The following ZBBX variants were observed in gnomAD, a reference collection of about 807,000 sequenced individuals.
The protein encoded by ZBBX is zinc finger B-box domain containing.
A neutral mutation model predicts 108.5 loss-of-function variants in ZBBX; 101 were observed. The observed-to-expected ratio is 0.93, with a 90% CI of 0.79 to 1.10. The LOEUF is 1.10. ZBBX is among the 50% of genes least tolerant of loss of function. The pLI is 0.00. For synonymous variants in ZBBX, 356 were observed against 323.4 expected (o/e 1.10, Z -1.08); for missense variants, 1,009 against 941.4 (o/e 1.07, Z -0.94).
At chr3:167,259,089 A>G (rs772246950) in intron 20 of ZBBX, among the ~76,000 whole-genome samples, 3 of 142,900 alleles carry the variant, frequency 2.1e-5, no homozygotes, top group Non-Finnish European at 4.6e-5. Context: ...TCTGCTGTGA[A>G]TCCGTCTGGT....
chr3:167,382,454 T>A (rs1747785637), upstream of ZBBX, among the ~76,000 whole-genome samples: 1 of 151,998 alleles, frequency 6.6e-6, no homozygotes, highest in Admixed American at 6.6e-5. Flanking sequence ...TTCCTGAGGG[T>A]TTTTCCAAAC....
intron 20 of ZBBX, among the ~76,000 whole-genome samples, chr3:167,273,573 G>A (rs1228053491): frequency 3.3e-5 from 5 of 152,174 alleles, no homozygotes; most frequent in South Asian, 2.1e-4. Flanking sequence ...TTAGCAGGAC[G>A]CAGTGAGCTT....
the ZBBX span, among the ~76,000 whole-genome samples, chr3:167,191,388 C>T: frequency 6.6e-6 from 1 of 152,174 alleles, no homozygotes; most frequent in Non-Finnish European, 1.5e-5. Context: ...TACGGTTTGG[C>T]TGTGTCCCCA....
At chr3:167,372,638 T>A (rs1377590279) in intron 4 of ZBBX, among the ~76,000 whole-genome samples, 196 bp downstream of exon 4, 1 of 152,212 alleles carries the variant, frequency 6.6e-6, no homozygotes, top group African/African-American at 2.4e-5. Context: ...CTTGTCACAT[T>A]GGTTCTTGTG....
the ZBBX span, among the ~76,000 whole-genome samples, chr3:167,200,856 T>C: frequency 6.6e-6 from 1 of 152,074 alleles, no homozygotes; most frequent in Non-Finnish European, 1.5e-5. Context: ...CTAATTGACA[T>C]CCCACCCATT....
In ZBBX at chr3:167,240,812, G is replaced by C. The variant is rs200797025; in HGVS notation, c.2501C>G (p.Pro834Arg). ...FLNKQHVITL[P>R]WSKST ...TAATCTTTAAGTACTCTTTGACCAC[G>C]GTAGTGTGATGACATGTTGCTTGTT... Residue 834 changes from proline (P) to arginine (R), a missense_variant, in exon 22 of 22, where the codon CCG becomes CGG. Pro to Arg is a moderately radical substitution (Grantham distance 103). Coordinates refer to ENST00000675490, the MANE Select transcript of ZBBX (RefSeq NM_001199201.2). The C allele has an allele frequency of 1.9e-6, 3 of 1,613,248 alleles. No individual in the cohort carries two copies. The East Asian group carries it at 6.7e-5, about 36-fold the overall frequency.
Position 167,242,526 on chromosome 3 carries a change from GGACCCC to G in ZBBX, c.2366_2371del (p.Arg789_Pro791delinsThr), listed in dbSNP as rs1176349680. 6.2e-7 allele frequency: 1 copy of G among 1,610,192 alleles called. No individual in the cohort carries two copies. Among genetic ancestry groups the G allele is most frequent in the East Asian group, 2.2e-5 (1 of 44,706 alleles). ...TTACCTCAATTCCTCAACTCCACAGGGACCCCTCACATGTGAGGTCTTAAGGAAATC... is the reference window on the plus strand; with the variant it reads ...TTACCTCAATTCCTCAACTCCACAGGTCACATGTGAGGTCTTAAGGAAATC... On this transcript the variant is annotated inframe_deletion, in exon 21 of 22. Coordinates refer to ENST00000675490, the MANE Select transcript of ZBBX (RefSeq NM_001199201.2).
At chr3:167,389,378 C>A (rs878897716) in intron 1 of ZBBX, among the ~76,000 whole-genome samples, 1 of 152,034 alleles carries the variant, frequency 6.6e-6, no homozygotes, top group South Asian at 2.1e-4. Flanking sequence ...CAGTCTATCA[C>A]TGATGGGCAT....
intron 12 of ZBBX, among the ~76,000 whole-genome samples, chr3:167,320,109 T>G (rs182273933): frequency 2.0e-5 from 3 of 151,396 alleles, no homozygotes; most frequent in African/African-American, 7.3e-5. Flanking sequence ...ACACCTAGAG[T>G]CCAGATCTTT....
At chr3:167,226,105 A>T in the ZBBX span, among the ~76,000 whole-genome samples, 1 of 151,394 alleles carries the variant, frequency 6.6e-6, no homozygotes, top group Non-Finnish European at 1.5e-5. Context: ...AGAAAAAAAA[A>T]CCTCAGAGAA....
At chr3:167,312,970 C>A (rs924645994) in intron 16 of ZBBX, among the ~76,000 whole-genome samples, 5 of 152,038 alleles carry the variant, frequency 3.3e-5, no homozygotes, top group African/African-American at 1.2e-4. Context: ...ATTAATTTTT[C>A]TTAAAATTCT....
intron 20 of ZBBX, among the ~76,000 whole-genome samples, chr3:167,271,182 C>T (rs956429773): frequency 5.5e-5 from 8 of 145,558 alleles, no homozygotes; most frequent in Non-Finnish European, 7.8e-5. Context: ...GTGGCCCATA[C>T]ATTTGGAAAA....
At chr3:167,406,734 C>T (rs1010121862) in intron 1 of ZBBX, among the ~76,000 whole-genome samples, 1 of 152,162 alleles carries the variant, frequency 6.6e-6, no homozygotes, top group East Asian at 1.9e-4. Context: ...AATGAGTAAG[C>T]CCTTTCAGTT....
the ZBBX span, among the ~76,000 whole-genome samples, chr3:167,209,391 A>G: frequency 6.6e-6 from 1 of 152,086 alleles, no homozygotes; most frequent in Non-Finnish European, 1.5e-5. Flanking sequence ...CTCAGCACAG[A>G]GAGACTCCAT....
chr3:167,251,468 T>C (rs1019156842), intron 20 of ZBBX, among the ~76,000 whole-genome samples: 1 of 152,162 alleles, frequency 6.6e-6, no homozygotes, highest in African/African-American at 2.4e-5. Context: ...AGTCAGCCTG[T>C]CTGTATGCTC....
chr3:167,366,085 A>C, intron 5 of ZBBX, 109 bp from the exon 6 acceptor site: 1 of 698,332 alleles, frequency 1.4e-6, no homozygotes, highest in Non-Finnish European at 2.3e-6. Flanking sequence ...AGTTGTTAAC[A>C]TGCAGTAAAC....
the ZBBX span, among the ~76,000 whole-genome samples, chr3:167,197,745 AGTT>A: frequency 6.6e-6 from 1 of 152,196 alleles, no homozygotes; most frequent in African/African-American, 2.4e-5. Context: ...TAAAAAATTA[AGTT>A]GTTATTAAAG....
chr3:167,193,928 G>T, the ZBBX span, among the ~76,000 whole-genome samples: 1 of 152,100 alleles, frequency 6.6e-6, no homozygotes, highest in Admixed American at 6.5e-5. Context: ...AAAATGGTTG[G>T]TCTCATGGAA....
intron 20 of ZBBX, among the ~76,000 whole-genome samples, chr3:167,277,974 C>T (rs202020252): frequency 5.7e-3 from 740 of 129,984 alleles, no homozygotes; most frequent in African/African-American, 9.2e-3. Flanking sequence ...TACATGGAAA[C>T]TGAACAACCT....
Sources: gnomAD v4.1 joint callset for allele counts (sites outside exome capture counted in the v4.1 genomes callset) on GRCh38, gnomAD v4.1.1 for gene constraint, MANE v1.5 for transcripts, NCBI Gene and HGNC (gene_info 2026-07-23, HGNC 2026-07-21) for gene names.